The following PTPRD variants were observed in gnomAD, a reference collection of about 807,000 sequenced individuals.
PTPRD encodes the protein receptor-type tyrosine-protein phosphatase delta.
PTPRD carries 34 observed loss-of-function variants against 214.5 expected under a neutral mutation model. That is an observed-to-expected ratio of 0.16 (90% CI 0.12 to 0.21). The LOEUF (loss-of-function observed/expected upper bound fraction) is 0.21. PTPRD is among the 10% of genes least tolerant of loss of function. PTPRD has a pLI of 1.00. For missense variants in PTPRD, 2,545 were observed against 2,398.7 expected (o/e 1.06, Z -1.27); for synonymous variants, 1,128 against 845.7 (o/e 1.33, Z -5.79).
intron 2 of PTPRD, among the ~76,000 whole-genome samples, chr9:10,353,925 A>G (rs979714599): frequency 1.3e-5 from 2 of 151,780 alleles, no homozygotes; most frequent in African/African-American, 4.9e-5. Flanking sequence ...ATTCACCCAT[A>G]AAAAAATCAA....
chr9:8,827,400 G>A (rs1402388231), intron 11 of PTPRD, among the ~76,000 whole-genome samples: 1 of 152,064 alleles, frequency 6.6e-6, no homozygotes, highest in Non-Finnish European at 1.5e-5. Flanking sequence ...TGAGGTCAAG[G>A]GTTCAAAACC....
At chr9:8,588,133 C>A (rs138977129) in intron 14 of PTPRD, among the ~76,000 whole-genome samples, 2 of 152,138 alleles carry the variant, frequency 1.3e-5, no homozygotes, top group Non-Finnish European at 2.9e-5. Context: ...CCCATGAGAG[C>A]GAAAGCCAGC....
In PTPRD at chr9:10,605,234, T is replaced by G. The variant is rs182264234; in HGVS notation, c.-600+7164A>C. On this transcript the variant is annotated intron_variant, in intron 2 of 45. Transcript: ENST00000381196. The stretch of plus-strand genomic sequence containing the variant: ...ATTTTTCTCTGTCTATTCTCTTTCC[T>G]GAGAAAACCAAAGCACTTCTGCTAT... Among the ~76,000 whole-genome samples the G allele has an allele frequency of 4.6e-5, 7 of 151,972 alleles. No homozygotes were observed. In the East Asian group the frequency reaches 1.4e-3, roughly 30 times the overall value.
At chr9:10,354,189 C>G (rs908193681) in intron 2 of PTPRD, among the ~76,000 whole-genome samples, 1 of 152,122 alleles carries the variant, frequency 6.6e-6, no homozygotes, top group Non-Finnish European at 1.5e-5. Flanking sequence ...CATTGTCCAG[C>G]ATATTTTAAT....
intron 11 of PTPRD, among the ~76,000 whole-genome samples, chr9:8,916,866 G>A (rs2098789531): frequency 6.6e-6 from 1 of 152,076 alleles, no homozygotes. Flanking sequence ...ATATATCAAT[G>A]CATGTAGCAC....
chr9:9,673,870 C>T (rs2096878433), intron 7 of PTPRD, among the ~76,000 whole-genome samples: 1 of 151,616 alleles, frequency 6.6e-6, no homozygotes, highest in Non-Finnish European at 1.5e-5. Flanking sequence ...ACCCCAAAGA[C>T]AATAATATAT....
At chr9:10,448,303 A>G (rs2098813439) in intron 2 of PTPRD, among the ~76,000 whole-genome samples, 1 of 152,014 alleles carries the variant, frequency 6.6e-6, no homozygotes, top group Admixed American at 6.5e-5. Context: ...CTGGCCAAAC[A>G]GAGGGCAACA....
chr9:8,454,550 C>CA, intron 33 of PTPRD: 1 of 1,611,992 alleles, frequency 6.2e-7, no homozygotes, highest in South Asian at 1.1e-5. Context: ...TCTTACTGAA[C>CA]ATTAAAGGGG....
At chr9:10,095,570 C>T (rs1421922168) in intron 3 of PTPRD, among the ~76,000 whole-genome samples, 2 of 151,250 alleles carry the variant, frequency 1.3e-5, no homozygotes, top group African/African-American at 2.4e-5. Context: ...TACCAGACAG[C>T]GTGAATAACA....
intron 12 of PTPRD, among the ~76,000 whole-genome samples, chr9:8,726,323 T>A (rs2098556862): frequency 1.3e-5 from 2 of 151,488 alleles, no homozygotes; most frequent in South Asian, 4.2e-4. Context: ...GTGTGGTGGC[T>A]CACGACTATA....
At chr9:8,606,667 C>T (rs62530705) in intron 14 of PTPRD, among the ~76,000 whole-genome samples, 7 of 152,154 alleles carry the variant, frequency 4.6e-5, no homozygotes, top group Non-Finnish European at 8.8e-5. Flanking sequence ...CTCCTAAACA[C>T]CTCCACCCCT....
At chr9:9,885,985 A>G (rs558635391) in intron 5 of PTPRD, among the ~76,000 whole-genome samples, 1 of 127,370 alleles carries the variant, frequency 7.9e-6, no homozygotes, top group Non-Finnish European at 1.6e-5. Context: ...CCCACATATT[A>G]AAAAAAAAAA....
rs541199484 is a variant in PTPRD at position 9,632,483 on chromosome 9, G to T, written c.-286-57702C>A. On this transcript the variant is annotated intron_variant, in intron 7 of 45. Coordinates refer to ENST00000381196, the MANE Select transcript of PTPRD (RefSeq NM_002839.4). ...ATTAAAAATGTTTCCAAGTTAGGTA[G>T]TGGTGATGATTGTACAATCTTGTAA... Among the ~76,000 whole-genome samples the T allele has an allele frequency of 2.0e-5, 3 of 152,108 alleles. No individual in the cohort carries two copies. The East Asian group carries it at 5.8e-4, about 29-fold the overall frequency.
intron 36 of PTPRD, among the ~76,000 whole-genome samples, chr9:8,397,591 C>G (rs892938630): frequency 2.0e-5 from 3 of 152,118 alleles, no homozygotes; most frequent in African/African-American, 7.2e-5. Context: ...TTAGCATGTG[C>G]TCACAGCTGT....
At chr9:8,698,929 AATATT>A (rs139086988) in intron 12 of PTPRD, among the ~76,000 whole-genome samples, 4,370 of 152,118 alleles carry the variant, frequency 0.029, 130 homozygotes, top group African/African-American at 0.07. Flanking sequence ...CTACACCCAT[AATATT>A]ATATTATATA....
chr9:8,784,001 A>T (rs1236699897), intron 11 of PTPRD, among the ~76,000 whole-genome samples: 1 of 152,116 alleles, frequency 6.6e-6, no homozygotes, highest in African/African-American at 2.4e-5. Context: ...TCTAATGATA[A>T]TTCGTCATAT....
At chr9:8,997,975 A>G (rs889307047) in intron 11 of PTPRD, among the ~76,000 whole-genome samples, 2 of 152,078 alleles carry the variant, frequency 1.3e-5, no homozygotes, top group Admixed American at 6.6e-5. Flanking sequence ...CTTTAATTCT[A>G]TGAAGTCTGA....
intron 8 of PTPRD, among the ~76,000 whole-genome samples, chr9:9,537,068 C>G (rs963264035): frequency 6.6e-6 from 1 of 151,766 alleles, no homozygotes; most frequent in Admixed American, 6.6e-5. Context: ...CACTGCTTTT[C>G]CAGGAATGCT....
intron 39 of PTPRD, among the ~76,000 whole-genome samples, chr9:8,347,277 C>T (rs902323267): frequency 6.6e-6 from 1 of 152,082 alleles, no homozygotes; most frequent in Admixed American, 6.5e-5. Context: ...TCCATTCCCA[C>T]CATCCAGGGA....
Sources: gnomAD v4.1 joint callset for allele counts (sites outside exome capture counted in the v4.1 genomes callset) on GRCh38, gnomAD v4.1.1 for gene constraint, MANE v1.5 for transcripts, NCBI Gene and HGNC (gene_info 2026-07-23, HGNC 2026-07-21) for gene names.